Variants in FXYD4 observed in about 807,000 individuals in gnomAD.
FXYD4 encodes the protein FXYD domain-containing ion transport regulator 4.
In FXYD4, 14 loss-of-function variants were observed where a neutral mutation model predicts 18.3. That is an observed-to-expected ratio of 0.77 (90% CI 0.51 to 1.20). The LOEUF is 1.20. FXYD4 is among the 50% of genes most tolerant of loss of function. The pLI is 0.00. For missense variants in FXYD4, 99 were observed against 106.1 expected (o/e 0.93, Z 0.29); for synonymous variants, 40 against 40.5 (o/e 0.99, Z 0.04).
chr10:43,375,439 T>G (rs1179172132), intron 5 of FXYD4, 60 bp from the exon 6 acceptor site: 7 of 1,344,880 alleles, frequency 5.2e-6, no homozygotes, highest in Non-Finnish European at 7.5e-6. Context: ...CAGGAGTGTC[T>G]TTTGAATGAA....
At chr10:43,374,275 G>A (rs1837841620) in intron 3 of FXYD4, among the ~76,000 whole-genome samples, 195 bp from the exon 4 acceptor site, 1 of 152,228 alleles carries the variant, frequency 6.6e-6, no homozygotes, top group African/African-American at 2.4e-5. Context: ...GCACACAGGA[G>A]CATCAGGAAG....
At position 43,374,474 on chromosome 10, in the gene FXYD4, G is replaced by T. The variant is rs747049788; in HGVS notation, c.42G>T (p.Leu14=). Residue 14 remains leucine (L), a synonymous_variant, in exon 4 of 9, where the codon CTG becomes CTT. Coordinates refer to ENST00000476166, the MANE Select transcript of FXYD4 (RefSeq NM_173160.3). ...TTCTCTGCTCCTCCCACACAGGCCT[G>T]ACTGCCTTGGAAGCCAATGACCCAT... The part of the protein sequence containing the change: ...VTLALLLLAG[L]TALEANDPFA... 6.2e-7 allele frequency: 1 copy of T among 1,614,056 alleles called. No homozygotes were observed.
Position 43,374,498 on chromosome 10 carries a change from A to G in FXYD4, c.66A>G (p.Pro22=), listed in dbSNP as rs945440948. Residue 22 remains proline, a synonymous_variant, in exon 4 of 9, where the codon CCA becomes CCG. Transcript: ENST00000476166. ...AGLTALEAND[P]FANKDDPFYY... ...TGACTGCCTTGGAAGCCAATGACCC[A>G]TTTGGTGAGTGAGGCCCCCAAACAG... is the stretch of plus-strand genomic sequence containing the variant. 2.5e-6 allele frequency: 4 copies of G among 1,613,960 alleles called. No homozygotes were observed. The highest frequency in any genetic ancestry group is 1.3e-5 in the African/African-American group (1 of 74,902).
chr10:43,373,800 TC>T lies in FXYD4; in HGVS notation c.37+19del. On this transcript the variant is annotated intron_variant, in intron 3 of 8. Coordinates refer to ENST00000476166, the MANE Select transcript of FXYD4 (RefSeq NM_173160.3). ...TACTGGCAGGTGAGTCCTCCCAGTC[TC>T]CTGGGACCCTCTTGCATTCACCCCA... 6.4e-7 allele frequency: 1 copy of T among 1,563,076 alleles called. No homozygotes were observed. The highest frequency in any genetic ancestry group is 8.8e-7 in the Non-Finnish European group (1 of 1,133,642).
In FXYD4 at chr10:43,376,009, C is replaced by A. The variant is rs201681987; in HGVS notation, c.213-23C>A. The A allele has an allele frequency of 1.3e-5, 21 of 1,613,522 alleles. No individual in the cohort carries two copies. In the African/African-American group the frequency reaches 2.4e-4, roughly 18 times the overall value. ...GGTCCTCCAGGCTAACCTGATACTA[C>A]TCTGATGTGGTCCTTTCTCTAGTCC... On this transcript the variant is annotated intron_variant, in intron 7 of 8. Transcript: ENST00000476166.
chr10:43,371,833 C>T (rs1837811064), intron 1 of FXYD4, 136 bp downstream of exon 1: 1 of 152,072 alleles, frequency 6.6e-6, no homozygotes, highest in African/African-American at 2.4e-5. Flanking sequence ...TGCTTTGCAC[C>T]CACTATCATA....
chr10:43,373,755 A>G lies in FXYD4; in HGVS notation c.9A>G (p.Arg3=). The G allele has an allele frequency of 6.2e-7, 1 of 1,608,940 alleles. No homozygotes were observed. Among genetic ancestry groups the G allele is most frequent in the Non-Finnish European group, 8.5e-7 (1 of 1,175,428 alleles). Reference sequence around the variant, plus strand: ...GCCCCTCGAACTGTGACATGGAGAGAGTGACCCTGGCCCTTCTCCTACTGG... The same window carrying G: ...GCCCCTCGAACTGTGACATGGAGAGGGTGACCCTGGCCCTTCTCCTACTGG... ME[R]VTLALLLLAG... Residue 3 remains arginine (R), a synonymous_variant, in exon 3 of 9, where the codon AGA becomes AGG. Coordinates refer to ENST00000476166, the MANE Select transcript of FXYD4 (RefSeq NM_173160.3).
rs140295864 is a variant in FXYD4 at position 43,374,417 on chromosome 10, T to C, written c.38-53T>C. 5.0e-6 allele frequency: 8 copies of C among 1,588,448 alleles called. No individual in the cohort carries two copies. The East Asian group carries it at 1.8e-4, about 35-fold the overall frequency. Reference sequence around the variant, plus strand: ...GCTGGGGTCCTGCTGTCTGGCTTACTTGGACACCAGTGTCATGAATTCCCA... The same window carrying C: ...GCTGGGGTCCTGCTGTCTGGCTTACCTGGACACCAGTGTCATGAATTCCCA... On this transcript the variant is annotated intron_variant, in intron 3 of 8. Transcript: ENST00000476166.
chr10:43,373,721 T>C lies in FXYD4; in HGVS notation c.-26T>C. ...ACCCCCGCCCCAGTGCCTCTCCCCC[T>C]GCAGCCCTGCCCCTCGAACTGTGAC... On this transcript the variant is annotated 5_prime_UTR_variant, in exon 3 of 9. Transcript: ENST00000476166. The C allele has an allele frequency of 6.7e-7, 1 of 1,495,240 alleles. No homozygotes were observed. The highest frequency in any genetic ancestry group is 9.2e-7 in the Non-Finnish European group (1 of 1,083,276). The allele number at this position is 1,495,240 out of a possible 1,614,324, so 92.6% of individuals were successfully genotyped here.
chr10:43,375,515 G>T lies in FXYD4; in HGVS notation c.114G>T (p.Gln38His). Residue 38 changes from glutamine (Q) to histidine (H), a missense_variant, in exon 6 of 9, where the codon CAG becomes CAT. Gln to His is a conservative substitution (Grantham distance 24). Coordinates refer to ENST00000476166, the MANE Select transcript of FXYD4 (RefSeq NM_173160.3). ...CCACCCCAGACTGGAAAAACCTGCAGCTGAGCGGACTGATCTGCGGAGGGC... is the reference window on the plus strand; with the variant it reads ...CCACCCCAGACTGGAAAAACCTGCATCTGAGCGGACTGATCTGCGGAGGGC... ...DPFYYDWKNL[Q>H]LSGLICGGLL... The T allele has an allele frequency of 6.2e-7, 1 of 1,613,976 alleles. No homozygotes were observed. Among genetic ancestry groups the T allele is most frequent in the Non-Finnish European group, 8.5e-7 (1 of 1,179,894 alleles).
intron 7 of FXYD4, 78 bp from the exon 8 acceptor site, chr10:43,375,954 G>A (rs1674254356): frequency 6.7e-7 from 1 of 1,489,758 alleles, no homozygotes; most frequent in East Asian, 2.3e-5. Context: ...CCTGGGGCCG[G>A]GCAGCAAGAG....
At position 43,374,613 on chromosome 10, in the gene FXYD4, C is replaced by A; in HGVS notation, c.71C>A (p.Ala24Asp). The A allele has an allele frequency of 6.2e-7, 1 of 1,613,532 alleles. No individual in the cohort carries two copies. Among genetic ancestry groups the A allele is most frequent in the Non-Finnish European group, 8.5e-7 (1 of 1,179,456 alleles). ...LTALEANDPF[A>D]NKDDPFYYDW... ...AGTCTTTTTGCCCCACTTTTTCTAG[C>A]CAATAAAGACGATCCCTTCTACTAT... is the stretch of plus-strand genomic sequence containing the variant. Residue 24 changes from alanine (A) to aspartate (D), a missense_variant and splice_region_variant, in exon 5 of 9, where the codon GCC becomes GAC. Coordinates refer to ENST00000476166, the MANE Select transcript of FXYD4 (RefSeq NM_173160.3).
intron 5 of FXYD4, 149 bp downstream of exon 5, chr10:43,374,788 G>A: frequency 1.3e-6 from 1 of 756,794 alleles, no homozygotes; most frequent in South Asian, 1.5e-5. Context: ...GCTCCAACAA[G>A]GGGAGGGTGG....
chr10:43,374,476 C>A lies in FXYD4; in HGVS notation c.44C>A (p.Thr15Asn), dbSNP rs1466028033. Residue 15 changes from threonine to asparagine, a missense_variant, in exon 4 of 9, where the codon ACT (threonine) becomes AAT (asparagine). Transcript: ENST00000476166. ...CTCTGCTCCTCCCACACAGGCCTGA[C>A]TGCCTTGGAAGCCAATGACCCATTT... ...TLALLLLAGLTALEANDPFAN... is the reference protein window; with the variant it reads ...TLALLLLAGLNALEANDPFAN... 1.2e-6 allele frequency: 2 copies of A among 1,614,134 alleles called. No individual in the cohort carries two copies. Among genetic ancestry groups the A allele is most frequent in the East Asian group, 2.2e-5 (1 of 44,886 alleles).
At chr10:43,372,167 A>C (rs1396557645) in intron 1 of FXYD4, among the ~76,000 whole-genome samples, 1 of 152,126 alleles carries the variant, frequency 6.6e-6, no homozygotes, top group Non-Finnish European at 1.5e-5. Flanking sequence ...GGCTGGGGGA[A>C]GCCAGCTTTG....
chr10:43,375,486 G>C lies in FXYD4; in HGVS notation c.98-13G>C, dbSNP rs770764286. On this transcript the variant is annotated splice_polypyrimidine_tract_variant and intron_variant, in intron 5 of 8. Transcript: ENST00000476166. The stretch of plus-strand genomic sequence containing the variant: ...CCAGGCTGGTGCAAGCTCACTCTCT[G>C]TACCCACCCCAGACTGGAAAAACCT... The C allele has an allele frequency of 3.8e-5, 62 of 1,610,970 alleles. No individual in the cohort carries two copies. In the East Asian group the frequency reaches 1.3e-3, roughly 34 times the overall value.
chr10:43,374,569 C>T, intron 4 of FXYD4, 44 bp from the exon 5 acceptor site: 19 of 1,612,348 alleles, frequency 1.2e-5, no homozygotes, highest in Non-Finnish European at 1.6e-5. Flanking sequence ...CACATCCTGT[C>T]TCCTGGTTCT....
At chr10:43,374,960 C>T (rs1371658591) in intron 5 of FXYD4, among the ~76,000 whole-genome samples, 3 of 151,788 alleles carry the variant, frequency 2.0e-5, no homozygotes, top group African/African-American at 2.4e-5. Context: ...CCCTGGGCCT[C>T]AGCTCCAGGA....
intron 5 of FXYD4, 27 bp downstream of exon 5, chr10:43,374,666 C>G (rs757760338): frequency 6.3e-7 from 1 of 1,576,430 alleles, no homozygotes; most frequent in South Asian, 1.1e-5. Flanking sequence ...CCACCCCCAC[C>G]CTACCCTTGC....
Sources: gnomAD v4.1 joint callset for allele counts (sites outside exome capture counted in the v4.1 genomes callset) on GRCh38, gnomAD v4.1.1 for gene constraint, MANE v1.5 for transcripts, NCBI Gene and HGNC (gene_info 2026-07-23, HGNC 2026-07-21) for gene names.